FRY: variants seen among roughly 807,000 people sequenced by gnomAD.
FRY encodes FRY microtubule binding protein.
FRY carries 128 observed loss-of-function variants against 348.4 expected under a neutral mutation model. That is an observed-to-expected ratio of 0.37 (90% CI 0.32 to 0.43). The LOEUF (loss-of-function observed/expected upper bound fraction) is 0.43. Ranked by LOEUF, FRY falls within the 20% of genes least tolerant of loss-of-function variation. The pLI, the probability that FRY is intolerant of heterozygous loss-of-function variation, is 1.00. For missense variants in FRY, 2,736 were observed against 3,695.2 expected (o/e 0.74, Z 6.73); for synonymous variants, 1,370 against 1,374.7 (o/e 1.00, Z 0.08).
chr13:32,032,025 T>C (rs112681499), intron 1 of FRY, among the ~76,000 whole-genome samples, 160 bp downstream of exon 1: 10,428 of 85,934 alleles, frequency 0.12, 526 homozygotes, highest in African/African-American at 0.23. Context: ...TTCTTTCTTT[T>C]TCTTTCTTTC....
chr13:32,218,663 G>A (rs1226679782), intron 35 of FRY, 86 bp from the exon 36 acceptor site: 2 of 720,098 alleles, frequency 2.8e-6, no homozygotes, highest in Non-Finnish European at 4.8e-6. Flanking sequence ...TGGTGACAGA[G>A]TGAGACTCCA....
At chr13:32,118,545 G>C (rs1878450968) in intron 4 of FRY, among the ~76,000 whole-genome samples, 1 of 152,132 alleles carries the variant, frequency 6.6e-6, no homozygotes, top group South Asian at 2.1e-4. Flanking sequence ...GTTTGGGAGA[G>C]AGATTAATAA....
At chr13:32,194,513 T>C (rs1254254202) in intron 29 of FRY, among the ~76,000 whole-genome samples, 2 of 152,222 alleles carry the variant, frequency 1.3e-5, no homozygotes, top group African/African-American at 2.4e-5. Context: ...GTTGTTATAG[T>C]ACCTTTCTTT....
chr13:32,034,875 TC>T (rs752009825), intron 1 of FRY, among the ~76,000 whole-genome samples: 17 of 152,206 alleles, frequency 1.1e-4, no homozygotes, highest in Non-Finnish European at 1.9e-4. Context: ...TGTACACCCA[TC>T]AGTCTCCTAA....
At chr13:32,236,322 TA>T (rs1566156265) in intron 43 of FRY, 150 bp downstream of exon 43, 7 of 623,922 alleles carry the variant, frequency 1.1e-5, no homozygotes, top group South Asian at 9.2e-5. Context: ...TTTCTTAAGT[TA>T]AAAAAGAAGT....
intron 1 of FRY, among the ~76,000 whole-genome samples, chr13:32,059,321 T>C (rs925275053): frequency 6.6e-6 from 1 of 152,082 alleles, no homozygotes; most frequent in Non-Finnish European, 1.5e-5. Flanking sequence ...TGGACTCCAA[T>C]TTATTTATTT....
chr13:32,294,633 A>G, intron 60 of FRY, 63 bp downstream of exon 60: 1 of 1,263,382 alleles, frequency 7.9e-7, no homozygotes, highest in Non-Finnish European at 1.2e-6. Context: ...TTACTCTGTC[A>G]TGGTTGGAGT....
At chr13:32,259,193 G>A (rs115436231) in intron 51 of FRY, among the ~76,000 whole-genome samples, 2,805 of 152,266 alleles carry the variant, frequency 0.018, 89 homozygotes, top group African/African-American at 0.057. Flanking sequence ...GGAGAGGAAG[G>A]ATGGAGGGTG....
chr13:32,179,181 G>C, intron 22 of FRY, 148 bp downstream of exon 22: 1 of 660,788 alleles, frequency 1.5e-6, no homozygotes, highest in Non-Finnish European at 2.6e-6. Context: ...ATTCCATTGA[G>C]TGTTTATATG....
At chr13:32,078,774 T>C in intron 1 of FRY, 60 bp from the exon 2 acceptor site, 1 of 1,187,980 alleles carries the variant, frequency 8.4e-7, no homozygotes, top group South Asian at 1.2e-5. Context: ...TTTAACACAG[T>C]CCATCTGAAT....
At chr13:32,274,652 C>A (rs562858734) in intron 55 of FRY, among the ~76,000 whole-genome samples, 190 bp from the exon 56 acceptor site, 2 of 140,512 alleles carry the variant, frequency 1.4e-5, no homozygotes, top group East Asian at 2.2e-4. Flanking sequence ...TGCAGTGAGC[C>A]GAGATCGCGC....
At chr13:32,240,752 G>A (rs540319367) in intron 46 of FRY, among the ~76,000 whole-genome samples, 4 of 152,268 alleles carry the variant, frequency 2.6e-5, no homozygotes, top group African/African-American at 4.8e-5. Flanking sequence ...TTTGTGATAC[G>A]CATTCATAGC....
intron 11 of FRY, among the ~76,000 whole-genome samples, chr13:32,138,638 G>C (rs1347286403): frequency 6.6e-6 from 1 of 152,162 alleles, no homozygotes; most frequent in Non-Finnish European, 1.5e-5. Context: ...TTTCTAAGAG[G>C]CAGTAAGGCC....
chr13:32,117,733 C>A (rs1053686090), intron 4 of FRY, among the ~76,000 whole-genome samples: 8 of 152,166 alleles, frequency 5.3e-5, no homozygotes, highest in Non-Finnish European at 7.4e-5. Flanking sequence ...AGGTCACTTT[C>A]TTGCCAGCTT....
chr13:32,117,942 C>A (rs1371655864), intron 4 of FRY, among the ~76,000 whole-genome samples: 1 of 152,150 alleles, frequency 6.6e-6, no homozygotes, highest in African/African-American at 2.4e-5. Flanking sequence ...TTGGGCAGCT[C>A]CCCGCCTCTC....
At chr13:32,226,885 A>T (rs949001951) in intron 39 of FRY, among the ~76,000 whole-genome samples, 5 of 152,226 alleles carry the variant, frequency 3.3e-5, no homozygotes, top group Admixed American at 2.0e-4. Context: ...TAAGCACTTC[A>T]CTTTGAACCA....
At chr13:32,077,320 G>A (rs1170707960) in intron 1 of FRY, among the ~76,000 whole-genome samples, 3 of 152,178 alleles carry the variant, frequency 2.0e-5, no homozygotes, top group African/African-American at 7.2e-5. Context: ...ATGGAAAACA[G>A]ATGAAATAAT....
Position 32,225,014 on chromosome 13 carries a change from A to G in FRY, c.4998A>G (p.Leu1666=). 1 of 1,601,132 alleles carries G rather than the reference A, an allele frequency of 6.2e-7. No individual in the cohort carries two copies. Among genetic ancestry groups the G allele is most frequent in the Non-Finnish European group, 8.6e-7 (1 of 1,168,074 alleles). ...AAGACTGGGCGCTTCATCTACCATT[A>G]TTACTTCATGCTGTCTTCTTAGGTA... The part of the protein sequence containing the change: ...VREDWALHLP[L]LLHAVFLGLD... The change falls in exon 38 of 61, where the codon TTA becomes TTG. Residue 1666 remains leucine, a synonymous_variant. Transcript: ENST00000542859.
At chr13:32,054,974 T>C (rs933331430) in intron 1 of FRY, among the ~76,000 whole-genome samples, 1 of 152,196 alleles carries the variant, frequency 6.6e-6, no homozygotes, top group Non-Finnish European at 1.5e-5. Flanking sequence ...TTCCTGATTC[T>C]TCATTATGTT....
Sources: allele counts gnomAD v4.1 joint callset (sites outside exome capture counted in the v4.1 genomes callset), GRCh38; gene constraint gnomAD v4.1.1; transcripts MANE v1.5; gene names NCBI Gene and HGNC (gene_info 2026-07-23, HGNC 2026-07-21).